Variants in ATP8A2 observed in about 807,000 individuals in gnomAD.
ATP8A2 encodes ATPase phospholipid transporting 8A2, also known as phospholipid-transporting ATPase IB.
Under a neutral mutation model 165.6 loss-of-function variants are expected in ATP8A2, and 100 were observed. That is an observed-to-expected ratio of 0.60 (90% CI 0.51 to 0.71). The LOEUF (loss-of-function observed/expected upper bound fraction) is 0.71. ATP8A2 is among the 30% of genes least tolerant of loss of function. The pLI is 0.00. For missense variants in ATP8A2, 1,227 were observed against 1,479.5 expected, an observed-to-expected ratio of 0.83 and a Z score of 2.80; for synonymous variants, 543 against 548.8, an observed-to-expected ratio of 0.99 and a Z score of 0.15.
chr13:25,925,139 G>C (rs775102193), intron 33 of ATP8A2, among the ~76,000 whole-genome samples: 1 of 152,036 alleles, frequency 6.6e-6, no homozygotes, highest in Non-Finnish European at 1.5e-5. Context: ...TTTAATAAGT[G>C]ATGTGGTACT....
Position 25,516,947 on chromosome 13 carries a change from A to G in ATP8A2, c.222-13052A>G, listed in dbSNP as rs112249601. On this transcript the variant is annotated intron_variant, in intron 2 of 36. Coordinates refer to ENST00000381655, the MANE Select transcript of ATP8A2 (RefSeq NM_016529.6). The stretch of plus-strand genomic sequence containing the variant: ...AGGTGCCTGCCACCAAGCTCGGCTA[A>G]TTTTTGTATTTTTAATAGAGACAGG... 6.7e-3 allele frequency among the ~76,000 whole-genome samples: 1,022 copies of G among 151,824 alleles called. 12 individuals are homozygous for G. The highest frequency in any genetic ancestry group is 0.024 in the African/African-American group (977 of 41,364).
intron 2 of ATP8A2, among the ~76,000 whole-genome samples, chr13:25,491,072 T>C (rs1214517420): frequency 6.6e-6 from 1 of 152,204 alleles, no homozygotes; most frequent in East Asian, 1.9e-4. Context: ...ATAGCAGATA[T>C]AGTGTGTATA....
At chr13:25,552,312 ACTTACCATTTCCAGGTCTCGCTCTT>A (rs1468286992) in intron 11 of ATP8A2, among the ~76,000 whole-genome samples, 3 of 152,012 alleles carry the variant, frequency 2.0e-5, no homozygotes, top group Admixed American at 2.0e-4. Flanking sequence ...TAACATATTT[ACTTACCATTTCCAGGTCTCGCTCTT>A]CATTTCTTCC....
At chr13:25,980,167 G>A (rs758447681) in intron 35 of ATP8A2, among the ~76,000 whole-genome samples, 18 of 152,144 alleles carry the variant, frequency 1.2e-4, no homozygotes, top group Non-Finnish European at 2.1e-4. Context: ...CTTCCTTCCC[G>A]CTGGGTGTGG....
chr13:25,427,998 G>A (rs1027703538), intron 1 of ATP8A2, among the ~76,000 whole-genome samples: 2 of 151,940 alleles, frequency 1.3e-5, no homozygotes, highest in Non-Finnish European at 2.9e-5. Context: ...GTCCTTGGCA[G>A]CATGGCAAAA....
chr13:25,895,113 A>G (rs554317488), intron 33 of ATP8A2, among the ~76,000 whole-genome samples: 145 of 152,216 alleles, frequency 9.5e-4, no homozygotes, highest in South Asian at 1.7e-3. Flanking sequence ...GTCTTGTGCC[A>G]TTTTTCAAAA....
At chr13:25,390,833 G>A (rs575433767) in intron 1 of ATP8A2, among the ~76,000 whole-genome samples, 2 of 151,740 alleles carry the variant, frequency 1.3e-5, no homozygotes, top group Non-Finnish European at 1.5e-5. Flanking sequence ...AGGGAGACAG[G>A]AGAATTGCTT....
intron 24 of ATP8A2, among the ~76,000 whole-genome samples, chr13:25,600,795 T>A (rs2040364327): frequency 6.6e-6 from 1 of 152,204 alleles, no homozygotes; most frequent in South Asian, 2.1e-4. Context: ...AAATATGGCT[T>A]TAAGCCTTCC....
At chr13:25,665,276 C>CT (rs1242664231) in intron 24 of ATP8A2, among the ~76,000 whole-genome samples, 1 of 152,102 alleles carries the variant, frequency 6.6e-6, no homozygotes, top group Non-Finnish European at 1.5e-5. Context: ...GATTATTCAA[C>CT]TTTTTTGAGT....
At chr13:25,412,913 C>T (rs1220928381) in intron 1 of ATP8A2, among the ~76,000 whole-genome samples, 1 of 152,178 alleles carries the variant, frequency 6.6e-6, no homozygotes, top group African/African-American at 2.4e-5. Flanking sequence ...CTCTGCCTTC[C>T]AGGTTCAAGC....
chr13:25,373,060 G>A (rs1030591516), intron 1 of ATP8A2, among the ~76,000 whole-genome samples: 3 of 152,158 alleles, frequency 2.0e-5, no homozygotes, highest in Non-Finnish European at 2.9e-5. Flanking sequence ...AAACTATGAT[G>A]TCGTGGAGCT....
chr13:25,736,704 CTT>C (rs898160987), intron 25 of ATP8A2, among the ~76,000 whole-genome samples: 5 of 152,268 alleles, frequency 3.3e-5, no homozygotes, highest in Non-Finnish European at 7.4e-5. Flanking sequence ...TCCAATAAAA[CTT>C]TATTTAAAGA....
At chr13:25,595,741 C>A (rs556427899) in intron 24 of ATP8A2, among the ~76,000 whole-genome samples, 1 of 152,148 alleles carries the variant, frequency 6.6e-6, no homozygotes, top group East Asian at 1.9e-4. Flanking sequence ...CCCTACTAAT[C>A]GTACAGAACC....
intron 2 of ATP8A2, among the ~76,000 whole-genome samples, chr13:25,512,318 C>T (rs571197344): frequency 6.6e-6 from 1 of 152,298 alleles, no homozygotes; most frequent in South Asian, 2.1e-4. Context: ...ATTTCTCAAT[C>T]TTTTCCCCAC....
At chr13:25,702,655 A>G (rs1014636617) in intron 25 of ATP8A2, among the ~76,000 whole-genome samples, 1 of 152,188 alleles carries the variant, frequency 6.6e-6, no homozygotes, top group Non-Finnish European at 1.5e-5. Flanking sequence ...ATAAGAGACT[A>G]TGTTATTGTA....
rs2039440887 is a variant in ATP8A2, at chr13:25,570,649, T to C, written c.1474-118T>C. On this transcript the variant is annotated intron_variant, in intron 16 of 36. Coordinates refer to ENST00000381655, the MANE Select transcript of ATP8A2 (RefSeq NM_016529.6). ...ATCTGAGGTCCATATTAAGGACCTC[T>C]ACCCTGTCCTACAGGGAGCAATAGG... 3.8e-6 allele frequency: 3 copies of C among 785,160 alleles called. No individual in the cohort carries two copies. In the African/African-American group the frequency reaches 5.1e-5, roughly 13 times the overall value. The allele number at this position is 785,160 out of a possible 1,614,324, so 48.6% of individuals were successfully genotyped here. A position where few individuals can be genotyped will look rare whatever the true frequency, so the allele number is the denominator to read the frequency against.
At chr13:25,713,875 C>T (rs1270480799) in intron 25 of ATP8A2, among the ~76,000 whole-genome samples, 3 of 152,166 alleles carry the variant, frequency 2.0e-5, no homozygotes, top group Non-Finnish European at 4.4e-5. Context: ...CTCTGTGAGA[C>T]TCAGGGCCTG....
intron 27 of ATP8A2, among the ~76,000 whole-genome samples, chr13:25,804,567 G>A (rs1038032718): frequency 1.3e-5 from 2 of 152,080 alleles, no homozygotes; most frequent in African/African-American, 2.4e-5. Context: ...TCTCTTATTG[G>A]TACCTCTACA....
At chr13:25,889,449 C>T (rs1953283479) in intron 33 of ATP8A2, among the ~76,000 whole-genome samples, 1 of 151,940 alleles carries the variant, frequency 6.6e-6, no homozygotes, top group South Asian at 2.1e-4. Flanking sequence ...TTAAGAAAAA[C>T]TCAGAGATGT....
Sources: gnomAD v4.1 joint callset for allele counts (sites outside exome capture counted in the v4.1 genomes callset) on GRCh38, gnomAD v4.1.1 for gene constraint, MANE v1.5 for transcripts, NCBI Gene and HGNC (gene_info 2026-07-23, HGNC 2026-07-21) for gene names.